Variants in ERVFRD-1 observed in about 807,000 individuals in gnomAD.
ERVFRD-1 encodes endogenous retrovirus group FRD member 1, envelope.
In ERVFRD-1, 33 loss-of-function variants were observed where a neutral mutation model predicts 43.8. That is an observed-to-expected ratio of 0.75 (90% confidence interval 0.57 to 1.01). The LOEUF is 1.01. Ranked by LOEUF, ERVFRD-1 falls within the 50% of genes least tolerant of loss-of-function variation. The probability of loss-of-function intolerance (pLI) is 0.00; values close to 1 mark genes in which losing one functional copy is unlikely to be tolerated. For synonymous variants in ERVFRD-1, 239 were observed against 244.4 expected (o/e 0.98, Z 0.21); for missense variants, 568 against 658.4 (o/e 0.86, Z 1.50).
chr6:11,110,364 T>C lies in ERVFRD-1; in HGVS notation c.-321+1313A>G, dbSNP rs74904128. Among the ~76,000 whole-genome samples the C allele has an allele frequency of 7.4e-4, 112 of 152,328 alleles. 3 individuals are homozygous for C. In the East Asian group the frequency reaches 0.02, roughly 27 times the overall value. On this transcript the variant is annotated intron_variant, in intron 1 of 1. Coordinates refer to ENST00000472091, the MANE Select transcript of ERVFRD-1 (RefSeq NM_207582.3). ...ATCTGCCTCCTTGGGCTGTCCTATA[T>C]CCTTGTCTCCATGACCTTATAGTGA... is the stretch of plus-strand genomic sequence containing the variant.
intron 1 of ERVFRD-1, among the ~76,000 whole-genome samples, chr6:11,107,615 C>G (rs985759567): frequency 6.6e-6 from 1 of 152,106 alleles, no homozygotes; most frequent in African/African-American, 2.4e-5. Context: ...GGGGGAGATA[C>G]AAAAGAAAGA....
intron 1 of ERVFRD-1, among the ~76,000 whole-genome samples, chr6:11,110,441 C>T (rs1441903550): frequency 1.3e-5 from 2 of 152,214 alleles, no homozygotes; most frequent in African/African-American, 4.8e-5. Flanking sequence ...CTCAGATTCT[C>T]ATTTCCCATG....
intron 1 of ERVFRD-1, among the ~76,000 whole-genome samples, chr6:11,107,914 T>C (rs1305618889): frequency 6.6e-6 from 1 of 152,252 alleles, no homozygotes; most frequent in Non-Finnish European, 1.5e-5. Flanking sequence ...ATTCTTGGGC[T>C]GAATTACTAT....
At chr6:11,106,824 T>G (rs997254728) in intron 1 of ERVFRD-1, among the ~76,000 whole-genome samples, 8 of 152,354 alleles carry the variant, frequency 5.3e-5, no homozygotes, top group African/African-American at 1.9e-4. Context: ...AATGAACAGC[T>G]TCTAATAGCT....
At chr6:11,108,268 AG>A (rs1301606966) in intron 1 of ERVFRD-1, among the ~76,000 whole-genome samples, 1 of 152,232 alleles carries the variant, frequency 6.6e-6, no homozygotes, top group African/African-American at 2.4e-5. Flanking sequence ...AGCATTGAGC[AG>A]GCAGCCCTCA....
intron 1 of ERVFRD-1, among the ~76,000 whole-genome samples, chr6:11,108,655 C>G (rs1758123800): frequency 6.6e-6 from 1 of 152,150 alleles, no homozygotes; most frequent in African/African-American, 2.4e-5. Context: ...GTTGCTTTTC[C>G]TTTTGCCTCT....
chr6:11,109,383 G>T (rs1758136625), intron 1 of ERVFRD-1, among the ~76,000 whole-genome samples: 1 of 152,228 alleles, frequency 6.6e-6, no homozygotes, highest in South Asian at 2.1e-4. Flanking sequence ...ACTTAAGGAG[G>T]TGGTGTCCAG....
chr6:11,107,139 T>C (rs1758098932), intron 1 of ERVFRD-1, among the ~76,000 whole-genome samples: 1 of 152,222 alleles, frequency 6.6e-6, no homozygotes, highest in African/African-American at 2.4e-5. Context: ...ATGTGGATTA[T>C]CTAGGAGCTG....
At chr6:11,110,035 A>G (rs1758145018) in intron 1 of ERVFRD-1, among the ~76,000 whole-genome samples, 1 of 152,202 alleles carries the variant, frequency 6.6e-6, no homozygotes, top group Admixed American at 6.5e-5. Context: ...AGGTACCCCT[A>G]ACCTTGGTCC....
At chr6:11,110,047 A>G (rs901022237) in intron 1 of ERVFRD-1, among the ~76,000 whole-genome samples, 1 of 152,138 alleles carries the variant, frequency 6.6e-6, no homozygotes, top group African/African-American at 2.4e-5. Context: ...CCTTGGTCCC[A>G]TCTTGTTTTA....
rs188870088 is a variant in ERVFRD-1, at chr6:11,104,961, A to G, written c.350T>C (p.Ile117Thr). Residue 117 changes from isoleucine (I) to threonine (T), a missense_variant, in exon 2 of 2, where the codon ATC (isoleucine) becomes ACC (threonine). Transcript: ENST00000472091. ...AATAGGGGCTATTCCCATTAGGTTG[A>G]TATTAGTAAAGATGGGTCCGAAAAT... is the stretch of plus-strand genomic sequence containing the variant. ...PPIFGPIFTNINLMGIAPICV... is the reference protein window; with the variant it reads ...PPIFGPIFTNTNLMGIAPICV... The G allele has an allele frequency of 6.8e-6, 11 of 1,614,146 alleles. No homozygotes were observed. The highest frequency in any genetic ancestry group is 6.7e-5 in the East Asian group (3 of 44,878).
rs902912520 is a variant in ERVFRD-1 at position 11,104,367 on chromosome 6, C to G, written c.944G>C (p.Gly315Ala). ...IHQCLPSNWT[G>A]TCTIGYVTPD... is the part of the protein sequence containing the mutation. ...GGTTACATAGCCTATGGTACAAGTT[C>G]CAGTCCAGTTACTGGGGAGGCATTG... Residue 315 changes from glycine to alanine, a missense_variant, in exon 2 of 2, where the codon GGA becomes GCA. Coordinates refer to ENST00000472091, the MANE Select transcript of ERVFRD-1 (RefSeq NM_207582.3). 6.4e-7 allele frequency: 1 copy of G among 1,551,670 alleles called. No individual in the cohort carries two copies. The highest frequency in any genetic ancestry group is 1.4e-5 in the African/African-American group (1 of 73,140).
chr6:11,103,587 G>T lies in ERVFRD-1; in HGVS notation c.*107C>A. 1 of 1,441,864 alleles carries T rather than the reference G, an allele frequency of 6.9e-7. No individual in the cohort carries two copies. Among genetic ancestry groups the T allele is most frequent in the South Asian group, 1.5e-5 (1 of 66,658 alleles). The allele number at this position is 1,441,864 out of a possible 1,614,324, so 89.3% of individuals were successfully genotyped here. A position where few individuals can be genotyped will look rare whatever the true frequency, so the allele number is the denominator to read the frequency against. ...TGGCCTCTTGCTAGCTGTCAGGGCA[G>T]GATGGCTCTGTGGATTGGCAAAAAC... On this transcript the variant is annotated 3_prime_UTR_variant, in exon 2 of 2. Transcript: ENST00000472091.
In ERVFRD-1 at chr6:11,104,097, T is replaced by A; in HGVS notation, c.1214A>T (p.Gln405Leu). 6.4e-7 allele frequency: 1 copy of A among 1,551,752 alleles called. No individual in the cohort carries two copies. The highest frequency in any genetic ancestry group is 8.7e-7 in the Non-Finnish European group (1 of 1,147,004). ...MAKALTTMQE[Q>L]IDSLAAVVLQ... ...GACTACGGCTGCTAAAGAGTCGATTTGTTCTTGCATGGTCGTTAAGGCTTT... is the reference window on the plus strand; with the variant it reads ...GACTACGGCTGCTAAAGAGTCGATTAGTTCTTGCATGGTCGTTAAGGCTTT... Residue 405 changes from glutamine to leucine, a missense_variant, in exon 2 of 2, where the codon CAA (glutamine) becomes CTA (leucine). By Grantham distance (113) the Gln-to-Leu change is moderately radical (BLOSUM62 -2). Transcript: ENST00000472091.
At chr6:11,109,889 A>G (rs991693444) in intron 1 of ERVFRD-1, among the ~76,000 whole-genome samples, 3 of 151,914 alleles carry the variant, frequency 2.0e-5, no homozygotes, top group Non-Finnish European at 2.9e-5. Context: ...AACCCCTCCA[A>G]TTTCCCTACT....
At chr6:11,109,249 A>G (rs1289012730) in intron 1 of ERVFRD-1, among the ~76,000 whole-genome samples, 2 of 152,142 alleles carry the variant, frequency 1.3e-5, no homozygotes, top group Admixed American at 1.3e-4. Flanking sequence ...ACTTTGATAT[A>G]TTTGTCAGGG....
chr6:11,111,422 T>A (rs1296452689), intron 1 of ERVFRD-1, among the ~76,000 whole-genome samples: 1 of 152,156 alleles, frequency 6.6e-6, no homozygotes, highest in Non-Finnish European at 1.5e-5. Flanking sequence ...GCCCTACCGC[T>A]CTCATCAGCC....
intron 1 of ERVFRD-1, among the ~76,000 whole-genome samples, chr6:11,109,878 C>G (rs1409913586): frequency 6.6e-6 from 1 of 152,094 alleles, no homozygotes; most frequent in African/African-American, 2.4e-5. Context: ...AAAAAGAAGG[C>G]AACCCCTCCA....
rs1758039513 is a variant in ERVFRD-1 at position 11,103,912 on chromosome 6, T to A, written c.1399A>T (p.Thr467Ser). Residue 467 changes from threonine (T) to serine (S), a missense_variant, in exon 2 of 2, where the codon ACT (threonine) becomes TCT (serine). By Grantham distance (58) the Thr-to-Ser change is moderately conservative. Coordinates refer to ENST00000472091, the MANE Select transcript of ERVFRD-1 (RefSeq NM_207582.3). ...CCTTCCCAATTTAACCAACCCTGAGTGGCTCGTTCCCGTAAACTGGAGGCT... is the reference window on the plus strand; with the variant it reads ...CCTTCCCAATTTAACCAACCCTGAGAGGCTCGTTCCCGTAAACTGGAGGCT... ...NQASSLRERA[T>S]QGWLNWEGTW... 3 of 1,551,636 alleles carry A rather than the reference T, an allele frequency of 1.9e-6. No individual in the cohort carries two copies. The highest frequency in any genetic ancestry group is 2.6e-6 in the Non-Finnish European group (3 of 1,146,974).
Sources: allele counts gnomAD v4.1 joint callset (sites outside exome capture counted in the v4.1 genomes callset), GRCh38; gene constraint gnomAD v4.1.1; transcripts MANE v1.5; gene names NCBI Gene and HGNC (gene_info 2026-07-23, HGNC 2026-07-21).